The following TSGA10 variants were observed in gnomAD, a reference collection of about 807,000 sequenced individuals.
The protein encoded by TSGA10 is testis specific 10.
TSGA10 carries 43 observed loss-of-function variants against 96.6 expected under a neutral mutation model. That is an observed-to-expected ratio of 0.44 (90% CI 0.35 to 0.57). The LOEUF is 0.57. TSGA10 is among the 20% of genes least tolerant of loss of function. The pLI, the probability that TSGA10 is intolerant of heterozygous loss-of-function variation, is 0.01. For synonymous variants in TSGA10, 229 were observed against 269.9 expected, an observed-to-expected ratio of 0.85 and a Z score of 1.48; for missense variants, 703 against 834.4, an observed-to-expected ratio of 0.84 and a Z score of 1.94.
chr2:99,071,507 CT>C (rs1487719230), intron 14 of TSGA10, among the ~76,000 whole-genome samples, 198 bp downstream of exon 14: 2 of 151,952 alleles, frequency 1.3e-5, no homozygotes, highest in Non-Finnish European at 2.9e-5. Flanking sequence ...TAGCCCTGTT[CT>C]CTCTTTTCTT....
chr2:99,010,020 A>G (rs1162901436), intron 20 of TSGA10, among the ~76,000 whole-genome samples: 1 of 152,244 alleles, frequency 6.6e-6, no homozygotes, highest in Non-Finnish European at 1.5e-5. Context: ...TTGTTTCCAA[A>G]TAAAAAGTTT....
At chr2:99,146,974 T>G (rs1406470201) in intron 1 of TSGA10, 1 of 152,834 alleles carries the variant, frequency 6.5e-6, no homozygotes, top group Non-Finnish European at 1.5e-5. Flanking sequence ...TTAGCCAATG[T>G]TCACGATACC....
Position 99,110,922 on chromosome 2 carries a change from A to C in TSGA10, c.-139-7T>G, listed in dbSNP as rs2091748518. On this transcript the variant is annotated splice_region_variant and splice_polypyrimidine_tract_variant and intron_variant, in intron 4 of 20. Transcript: ENST00000393483. ...GCTGGCAAATGAGATCAATCTGAAG[A>C]AAAAGTAAAAAAAAAAAAAATTATT... The C allele has an allele frequency of 1.4e-6, 1 of 699,302 alleles. No individual in the cohort carries two copies. The highest frequency in any genetic ancestry group is 2.1e-5 in the African/African-American group (1 of 47,620). 43.3% of individuals were successfully genotyped at this position (699,302 alleles called of 1,614,324 possible). A position where few individuals can be genotyped will look rare whatever the true frequency, so the allele number is the denominator to read the frequency against.
chr2:99,141,581 C>CACGCCCACGCAGCGT (rs2093557525), intron 1 of TSGA10: 1 of 79,286 alleles, frequency 1.3e-5, no homozygotes, highest in Non-Finnish European at 3.5e-5. Flanking sequence ...CCACGCAGCG[C>CACGCCCACGCAGCGT]CTAGACGCCC....
intron 16 of TSGA10, among the ~76,000 whole-genome samples, chr2:99,049,740 G>GA (rs57254972): frequency 1.6e-4 from 24 of 145,642 alleles, no homozygotes; most frequent in South Asian, 4.4e-4. Context: ...TTAAAAAAAA[G>GA]AAAAAAAAAA....
At chr2:99,101,002 G>A (rs2104774537) in intron 10 of TSGA10, among the ~76,000 whole-genome samples, 1 of 147,408 alleles carries the variant, frequency 6.8e-6, no homozygotes, top group South Asian at 2.2e-4. Flanking sequence ...GGTGGCTCAC[G>A]CCTGTAATCC....
intron 16 of TSGA10, among the ~76,000 whole-genome samples, chr2:99,049,689 C>T (rs2083182123): frequency 6.6e-6 from 1 of 151,204 alleles, no homozygotes; most frequent in Admixed American, 6.6e-5. Context: ...TGTAACAAAG[C>T]TGCACATTCT....
intron 12 of TSGA10, among the ~76,000 whole-genome samples, chr2:99,073,946 A>G (rs1344284418): frequency 7.3e-6 from 1 of 136,324 alleles, no homozygotes; most frequent in Non-Finnish European, 1.6e-5. Flanking sequence ...AAGTAAAAAG[A>G]TTTTTAAAAA....
rs990328876 is a variant in TSGA10, at chr2:99,076,959, C to A, written c.882+1700G>T. Among the ~76,000 whole-genome samples the A allele has an allele frequency of 2.6e-5, 4 of 152,090 alleles. No individual in the cohort carries two copies. In the South Asian group the frequency reaches 8.3e-4, roughly 32 times the overall value. On this transcript the variant is annotated intron_variant, in intron 12 of 20. Coordinates refer to ENST00000393483, the MANE Select transcript of TSGA10 (RefSeq NM_025244.4). ...TCACTTAATGGAAGATTTTTCCAGA[C>A]CTTCCTCCTCCCTTAACCCAATTCC... is the stretch of plus-strand genomic sequence containing the variant.
At chr2:99,123,711 C>T (rs953515182) in intron 2 of TSGA10, among the ~76,000 whole-genome samples, 1 of 152,190 alleles carries the variant, frequency 6.6e-6, no homozygotes, top group Admixed American at 6.5e-5. Flanking sequence ...TTTGCCTATT[C>T]TAGGCAGAGG....
intron 10 of TSGA10, among the ~76,000 whole-genome samples, chr2:99,088,494 G>T (rs914262891): frequency 6.6e-6 from 1 of 152,144 alleles, no homozygotes; most frequent in Non-Finnish European, 1.5e-5. Flanking sequence ...GATAAGAGGG[G>T]ACTACTATAC....
At chr2:99,112,227 G>C (rs1008630805) in intron 4 of TSGA10, among the ~76,000 whole-genome samples, 3 of 151,928 alleles carry the variant, frequency 2.0e-5, no homozygotes, top group African/African-American at 7.3e-5. Context: ...GAATAAAAAA[G>C]GTAAAAATCT....
At chr2:99,065,948 A>C (rs2085220978) in intron 15 of TSGA10, among the ~76,000 whole-genome samples, 1 of 152,210 alleles carries the variant, frequency 6.6e-6, no homozygotes, top group Non-Finnish European at 1.5e-5. Flanking sequence ...AATCATTATT[A>C]GGCTATTTAA....
rs148973510 is a variant in TSGA10 at position 99,050,222 on chromosome 2, C to A, written c.1404+14717G>T. Among the ~76,000 whole-genome samples the A allele has an allele frequency of 1.6e-3, 244 of 152,114 alleles. 1 individual carries two copies. In the Middle Eastern group the frequency reaches 0.034, roughly 21 times the overall value. ...ATATAGTTGCCCTCATTTTTCCTCT[C>A]AGGTTTTTAAAAAGACACACAATTG... is the stretch of plus-strand genomic sequence containing the variant. On this transcript the variant is annotated intron_variant, in intron 16 of 20. Transcript: ENST00000393483.
chr2:99,032,190 G>C (rs552820793), intron 17 of TSGA10, among the ~76,000 whole-genome samples: 2 of 151,940 alleles, frequency 1.3e-5, no homozygotes, highest in African/African-American at 4.8e-5. Flanking sequence ...ACTTCCATCC[G>C]TGTCTCTTTC....
At chr2:99,010,948 C>T (rs973774742) in intron 20 of TSGA10, among the ~76,000 whole-genome samples, 3 of 152,174 alleles carry the variant, frequency 2.0e-5, no homozygotes, top group Non-Finnish European at 2.9e-5. Flanking sequence ...ACTGGCTATT[C>T]CCCACTTCTC....
chr2:99,012,132 C>G (rs1195572437), intron 20 of TSGA10, among the ~76,000 whole-genome samples: 1 of 152,106 alleles, frequency 6.6e-6, no homozygotes, highest in African/African-American at 2.4e-5. Context: ...AGAGAATTTG[C>G]CACTACTAAA....
intron 12 of TSGA10, among the ~76,000 whole-genome samples, chr2:99,076,417 C>T (rs552735583): frequency 1.3e-5 from 2 of 152,236 alleles, no homozygotes; most frequent in South Asian, 2.1e-4. Flanking sequence ...CTAATTGTAA[C>T]ATTTCATTAT....
At chr2:99,091,823 G>C (rs1333888749) in intron 10 of TSGA10, among the ~76,000 whole-genome samples, 1 of 152,010 alleles carries the variant, frequency 6.6e-6, no homozygotes, top group Non-Finnish European at 1.5e-5. Context: ...AATAATAGTG[G>C]GGGACTTCAA....
Sources: gnomAD v4.1 joint callset for allele counts (sites outside exome capture counted in the v4.1 genomes callset) on GRCh38, gnomAD v4.1.1 for gene constraint, MANE v1.5 for transcripts, NCBI Gene and HGNC (gene_info 2026-07-23, HGNC 2026-07-21) for gene names.